The following BLTP1 variants were observed in gnomAD, a reference collection of about 807,000 sequenced individuals.
BLTP1 encodes the protein fragile site-associated protein.
the BLTP1 span, chr4:122,345,988 A>C: frequency 1.0e-6 from 1 of 976,698 alleles, no homozygotes; most frequent in Non-Finnish European, 1.2e-6. Flanking sequence ...AAATGTCTAT[A>C]GGACATTTAG....
chr4:122,169,672 C>T, the BLTP1 span: 2 of 912,910 alleles, frequency 2.2e-6, no homozygotes, highest in Non-Finnish European at 1.3e-6. Context: ...TGCATATATA[C>T]ATATACACAC....
the BLTP1 span, among the ~76,000 whole-genome samples, chr4:122,163,931 T>C: frequency 7.2e-5 from 11 of 152,206 alleles, no homozygotes; most frequent in African/African-American, 2.7e-4. Context: ...TGTTTTAGTG[T>C]TCTGTGTCTA....
At chr4:122,250,418 A>G in the BLTP1 span, 1 of 1,613,780 alleles carries the variant, frequency 6.2e-7, no homozygotes, top group East Asian at 2.2e-5. Context: ...GGGTAAAGCT[A>G]GTGACACAGA....
chr4:122,354,116 C>T, the BLTP1 span: 41 of 1,042,124 alleles, frequency 3.9e-5, no homozygotes, highest in Non-Finnish European at 5.4e-5. Flanking sequence ...GTTTTCATTT[C>T]CTTAAACAAT....
the BLTP1 span, chr4:122,289,048 A>G: frequency 5.6e-4 from 884 of 1,582,270 alleles, no homozygotes; most frequent in Non-Finnish European, 7.1e-4. Flanking sequence ...TGTAAAGCTA[A>G]TGTAATCAGT....
chr4:122,255,340 C>CT, the BLTP1 span: 3 of 1,205,732 alleles, frequency 2.5e-6, no homozygotes, highest in Non-Finnish European at 3.7e-6. Context: ...TGGTGGACCA[C>CT]TGATACACAG....
At chr4:122,360,084 A>G in the BLTP1 span, 1 of 964,496 alleles carries the variant, frequency 1.0e-6, no homozygotes, top group South Asian at 4.8e-5. Flanking sequence ...TAGTATGGCA[A>G]GATGCAGCAG....
At chr4:122,190,046 G>C in the BLTP1 span, 1 of 1,613,408 alleles carries the variant, frequency 6.2e-7, no homozygotes, top group Non-Finnish European at 8.5e-7. Flanking sequence ...GCAGTCAAAT[G>C]ATGTTGACAT....
chr4:122,254,268 T>G, the BLTP1 span: 2 of 1,613,344 alleles, frequency 1.2e-6, no homozygotes, highest in Non-Finnish European at 1.7e-6. Flanking sequence ...TCATGTAGCA[T>G]GAAGTTGACC....
chr4:122,175,420 T>G, the BLTP1 span: 1 of 302,004 alleles, frequency 3.3e-6, no homozygotes, highest in Non-Finnish European at 4.9e-6. Flanking sequence ...AACATCCCTC[T>G]TTCAAGATTT....
At chr4:122,200,652 C>CACTCTATCT in the BLTP1 span, 1 of 984,266 alleles carries the variant, frequency 1.0e-6, no homozygotes, top group Non-Finnish European at 1.2e-6. Flanking sequence ...GTACGCATCA[C>CACTCTATCT]ACTCTATCTT....
the BLTP1 span, chr4:122,207,735 A>G: frequency 1.1e-4 from 121 of 1,090,126 alleles, no homozygotes; most frequent in Non-Finnish European, 1.4e-4. Flanking sequence ...GTCCATTGCA[A>G]CTTCAAAGTA....
At chr4:122,254,171 T>C in the BLTP1 span, 1 of 1,608,268 alleles carries the variant, frequency 6.2e-7, no homozygotes. Flanking sequence ...TGTTAATAAG[T>C]TTTTGGCATT....
chr4:122,299,997 A>G, the BLTP1 span: 4 of 894,054 alleles, frequency 4.5e-6, no homozygotes, highest in Non-Finnish European at 5.4e-6. Flanking sequence ...TATTCTTCCA[A>G]AATACAAATA....
At chr4:122,354,623 G>A in the BLTP1 span, among the ~76,000 whole-genome samples, 4 of 150,176 alleles carry the variant, frequency 2.7e-5, no homozygotes, top group African/African-American at 9.8e-5. Flanking sequence ...ATTGACAGGT[G>A]TTGAGACTTT....
the BLTP1 span, chr4:122,248,255 C>T: frequency 3.2e-6 from 1 of 314,024 alleles, no homozygotes; most frequent in Non-Finnish European, 4.6e-6. Context: ...ACACTTTTAT[C>T]AGCTCTGTAG....
the BLTP1 span, chr4:122,281,829 T>C: frequency 3.5e-6 from 5 of 1,423,942 alleles, no homozygotes; most frequent in Non-Finnish European, 4.6e-6. Flanking sequence ...TTTGAGAAAT[T>C]AGTAATATTT....
the BLTP1 span, among the ~76,000 whole-genome samples, chr4:122,242,757 T>C: frequency 3.8e-3 from 572 of 152,310 alleles, 4 homozygotes; most frequent in African/African-American, 0.012. Flanking sequence ...TTTGAAACAC[T>C]TGCTTTTAAG....
the BLTP1 span, chr4:122,313,545 C>T: frequency 3.0e-6 from 3 of 990,904 alleles, no homozygotes; most frequent in Non-Finnish European, 2.9e-6. Flanking sequence ...AGACAATAAT[C>T]TTGTGTGAAA....
Sources: allele counts gnomAD v4.1 joint callset (sites outside exome capture counted in the v4.1 genomes callset), GRCh38; gene constraint gnomAD v4.1.1; transcripts MANE v1.5; gene names NCBI Gene and HGNC (gene_info 2026-07-23, HGNC 2026-07-21).